Variants in PRICKLE2 observed in about 807,000 individuals in gnomAD.
PRICKLE2 encodes prickle-like protein 2.
In PRICKLE2, 21 loss-of-function variants were observed where a neutral mutation model predicts 81.4. That is an observed-to-expected ratio of 0.26 (90% CI 0.18 to 0.37). The LOEUF is 0.37. PRICKLE2 is among the 10% of genes least tolerant of loss of function. The probability of loss-of-function intolerance (pLI) is 1.00; values close to 1 mark genes in which losing one functional copy is unlikely to be tolerated. For synonymous variants in PRICKLE2, 456 were observed against 421.5 expected (o/e 1.08, Z -1.00); for missense variants, 940 against 1,109.0 (o/e 0.85, Z 2.16).
At chr3:64,129,991 A>G (rs1450185595) in intron 7 of PRICKLE2, among the ~76,000 whole-genome samples, 1 of 152,196 alleles carries the variant, frequency 6.6e-6, no homozygotes, top group Non-Finnish European at 1.5e-5. Flanking sequence ...GATGTCACCA[A>G]GAGTTTTTAT....
chr3:64,262,945 G>A (rs1202054667), intron 2 of PRICKLE2, among the ~76,000 whole-genome samples: 1 of 152,170 alleles, frequency 6.6e-6, no homozygotes, highest in East Asian at 1.9e-4. Flanking sequence ...TCCCCCAAGT[G>A]TGTTCTGTGG....
upstream of PRICKLE2, among the ~76,000 whole-genome samples, chr3:64,225,838 C>A (rs886287999): frequency 2.6e-5 from 4 of 151,958 alleles, no homozygotes; most frequent in Non-Finnish European, 5.9e-5. Flanking sequence ...AATCAGAGCA[C>A]TCTTTTTTTA....
At chr3:64,167,923 C>A (rs1354105118) in intron 2 of PRICKLE2, among the ~76,000 whole-genome samples, 1 of 152,142 alleles carries the variant, frequency 6.6e-6, no homozygotes, top group African/African-American at 2.4e-5. Context: ...AGTTTTAGAG[C>A]TTTCTACTGT....
chr3:64,114,228 A>G (rs568325775), intron 7 of PRICKLE2, among the ~76,000 whole-genome samples: 1 of 152,256 alleles, frequency 6.6e-6, no homozygotes, highest in Non-Finnish European at 1.5e-5. Flanking sequence ...AAAGGTCAGC[A>G]ACCTCAAAGA....
Position 64,184,579 on chromosome 3 carries a change from T to A in PRICKLE2, c.144+14205A>T, listed in dbSNP as rs116353505. Among the ~76,000 whole-genome samples, 1,453 of 152,228 alleles carry A rather than the reference T, an allele frequency of 9.5e-3. 26 individuals are homozygous for A. Among genetic ancestry groups the A allele is most frequent in the African/African-American group, 0.033 (1,366 of 41,550 alleles). On this transcript the variant is annotated intron_variant, in intron 2 of 7. Transcript: ENST00000638394. ...GCCTTGAACTCCTGAGCTCAAGCAA[T>A]CTGCCAGCTTCAGCCTCCTGAATGG...
intron 2 of PRICKLE2, among the ~76,000 whole-genome samples, chr3:64,244,278 G>A (rs2079313378): frequency 6.6e-6 from 1 of 152,116 alleles, no homozygotes. Flanking sequence ...GGATACCCTG[G>A]AATCTCAGTT....
In PRICKLE2 at chr3:64,108,545, G is replaced by A. The variant is rs111687499; in HGVS notation, c.1661-8620C>T. Among the ~76,000 whole-genome samples the A allele has an allele frequency of 2.2e-3, 330 of 152,224 alleles. 2 individuals carry two copies. The highest frequency in any genetic ancestry group is 7.6e-3 in the African/African-American group (317 of 41,552). On this transcript the variant is annotated intron_variant, in intron 7 of 7. Transcript: ENST00000638394. ...AGGCTGGGGGTGGGGACAGAAAGAG[G>A]AGAGTGGGACAATATGAATGCACTC...
upstream of PRICKLE2, among the ~76,000 whole-genome samples, chr3:64,229,316 T>C (rs1197862360): frequency 1.3e-5 from 2 of 152,246 alleles, no homozygotes; most frequent in East Asian, 1.9e-4. Context: ...AAAGGTCAAG[T>C]ACATCTCTAC....
At chr3:64,161,415 T>C (rs1348267246) in intron 3 of PRICKLE2, among the ~76,000 whole-genome samples, 6 of 152,182 alleles carry the variant, frequency 3.9e-5, no homozygotes, top group Non-Finnish European at 8.8e-5. Context: ...ACCTTGGAAC[T>C]AGGACTGTCA....
chr3:64,219,931 T>C lies in PRICKLE2; in HGVS notation c.-41+4979A>G, dbSNP rs1412583816. Reference sequence around the variant, plus strand: ...GAACCAATAATATCTAGCTGCATGATTGCTGTAAGAATTAACAAGACAAGT... The same window carrying C: ...GAACCAATAATATCTAGCTGCATGACTGCTGTAAGAATTAACAAGACAAGT... On this transcript the variant is annotated intron_variant, in intron 1 of 7. Transcript: ENST00000638394. Among the ~76,000 whole-genome samples the C allele has an allele frequency of 6.6e-5, 10 of 152,214 alleles. 1 individual carries two copies. Among genetic ancestry groups the C allele is most frequent in the Admixed American group, 6.5e-4 (10 of 15,280 alleles).
intron 1 of PRICKLE2, among the ~76,000 whole-genome samples, chr3:64,206,314 G>A (rs1007132886): frequency 6.6e-6 from 1 of 152,178 alleles, no homozygotes; most frequent in Non-Finnish European, 1.5e-5. Flanking sequence ...TCAGAAAGGA[G>A]TGCCGTAGAG....
At chr3:64,124,390 C>G (rs1398615866) in intron 7 of PRICKLE2, among the ~76,000 whole-genome samples, 1 of 152,178 alleles carries the variant, frequency 6.6e-6, no homozygotes, top group Non-Finnish European at 1.5e-5. Context: ...TCCAGAAGGT[C>G]TACATAAGAT....
At chr3:64,194,559 A>G (rs944316990) in intron 2 of PRICKLE2, among the ~76,000 whole-genome samples, 1 of 152,224 alleles carries the variant, frequency 6.6e-6, no homozygotes, top group African/African-American at 2.4e-5. Flanking sequence ...GACAGTCACC[A>G]CAGAAAAGAA....
At chr3:64,111,053 G>A (rs2076838125) in intron 7 of PRICKLE2, among the ~76,000 whole-genome samples, 1 of 151,166 alleles carries the variant, frequency 6.6e-6, no homozygotes, top group Admixed American at 6.6e-5. Context: ...ACTGGTGAAA[G>A]CATTGGCTTT....
At chr3:64,133,534 A>T (rs990023124) in intron 7 of PRICKLE2, among the ~76,000 whole-genome samples, 5 of 150,776 alleles carry the variant, frequency 3.3e-5, no homozygotes, top group East Asian at 2.0e-4. Context: ...GAACAAATTA[A>T]CTCCTCTAAG....
intron 1 of PRICKLE2, among the ~76,000 whole-genome samples, chr3:64,220,498 G>A (rs1049093117): frequency 3.9e-5 from 6 of 152,140 alleles, no homozygotes; most frequent in African/African-American, 1.4e-4. Flanking sequence ...ATAAAGAAAG[G>A]GCTCCTGTGC....
rs1575531163 is a variant in PRICKLE2, at chr3:64,099,549, G to A, written c.2037C>T (p.Asn679=). 2 of 1,610,038 alleles carry A rather than the reference G, an allele frequency of 1.2e-6. No individual in the cohort carries two copies. The highest frequency in any genetic ancestry group is 3.3e-5 in the Admixed American group (2 of 59,970). Reference sequence around the variant, plus strand: ...TGGACCTGTGAGGTCGGAAACGGCGGTTGTCGTCGCGTGAAGTAGCTCTTC... The same window carrying A: ...TGGACCTGTGAGGTCGGAAACGGCGATTGTCGTCGCGTGAAGTAGCTCTTC... The part of the protein sequence containing the change: ...TRRRATSRDD[N]RRFRPHRSRR... The change falls in exon 8 of 8, where the codon AAC becomes AAT. Residue 679 remains asparagine, a synonymous_variant. Coordinates refer to ENST00000638394, the MANE Select transcript of PRICKLE2 (RefSeq NM_198859.4). The surrounding 1 kb of genome is among the most constrained non-coding windows in gnomAD (Gnocchi z 4.3).
intron 7 of PRICKLE2, among the ~76,000 whole-genome samples, chr3:64,104,074 C>T (rs1179267016): frequency 6.6e-6 from 1 of 152,204 alleles, no homozygotes; most frequent in Admixed American, 6.5e-5. Context: ...AATTAATCAG[C>T]TAAATATCAT....
At chr3:64,206,392 C>A (rs2078690575) in intron 1 of PRICKLE2, among the ~76,000 whole-genome samples, 2 of 152,226 alleles carry the variant, frequency 1.3e-5, no homozygotes, top group South Asian at 4.1e-4. Flanking sequence ...GGGCAATGTA[C>A]ATTTTCAAAC....
Sources: gnomAD v4.1 joint callset for allele counts (sites outside exome capture counted in the v4.1 genomes callset) on GRCh38, gnomAD v4.1.1 for gene constraint, Gnocchi (gnomAD v3.1) non-coding constraint, MANE v1.5 for transcripts, NCBI Gene and HGNC (gene_info 2026-07-23, HGNC 2026-07-21) for gene names.